SMC1B: variants seen among roughly 807,000 people sequenced by gnomAD.
SMC1B encodes the protein structural maintenance of chromosomes 1B, also known as structural maintenance of chromosomes protein 1B.
SMC1B carries 60 observed loss-of-function variants against 157.9 expected under a neutral mutation model. The ratio of observed to expected loss-of-function variants is 0.38; its 90% CI spans 0.31 to 0.47. The LOEUF (loss-of-function observed/expected upper bound fraction) is 0.47. Among genes scored for constraint, SMC1B ranks in the 20% least tolerant of loss-of-function variants. SMC1B has a pLI of 0.99. For missense variants in SMC1B, 1,165 were observed against 1,426.2 expected (o/e 0.82, Z 2.95); for synonymous variants, 445 against 483.0 (o/e 0.92, Z 1.03).
At chr22:45,410,378 T>G (rs1176655095) in intron 1 of SMC1B, among the ~76,000 whole-genome samples, 2 of 152,118 alleles carry the variant, frequency 1.3e-5, no homozygotes, top group Non-Finnish European at 2.9e-5. Flanking sequence ...TTTCTCCTTT[T>G]CACATCCCTT....
chr22:45,402,751 A>G (rs1264576126), intron 4 of SMC1B, among the ~76,000 whole-genome samples, 180 bp from the exon 5 acceptor site: 1 of 152,238 alleles, frequency 6.6e-6, no homozygotes, highest in African/African-American at 2.4e-5. Flanking sequence ...AAATAACCCA[A>G]TACACCAGCA....
At chr22:45,344,932 T>C (rs2086535567) in intron 24 of SMC1B, among the ~76,000 whole-genome samples, 1 of 152,128 alleles carries the variant, frequency 6.6e-6, no homozygotes, top group Non-Finnish European at 1.5e-5. Context: ...AGGAAGTAAA[T>C]CCTAACTGTC....
rs2086912356 is a variant in SMC1B at position 45,379,280 on chromosome 22, A to G, written c.2058+4187T>C. ...GTTGGGATTACAGGCGTGGGCCACCATGCCCAGCCTCAACATTCAGTTTTA... is the reference window on the plus strand; with the variant it reads ...GTTGGGATTACAGGCGTGGGCCACCGTGCCCAGCCTCAACATTCAGTTTTA... On this transcript the variant is annotated intron_variant, in intron 12 of 24. Transcript: ENST00000357450. Among the ~76,000 whole-genome samples the G allele has an allele frequency of 2.0e-5, 3 of 152,252 alleles. 1 individual carries two copies. In the South Asian group the frequency reaches 6.2e-4, roughly 31 times the overall value.
chr22:45,364,923 C>T (rs925799014), intron 15 of SMC1B, among the ~76,000 whole-genome samples: 5 of 150,610 alleles, frequency 3.3e-5, no homozygotes, highest in Admixed American at 6.6e-5. Context: ...CTGCAAGCTC[C>T]GCTTCCCGGG....
rs751980527 is a variant in SMC1B, at chr22:45,393,861, T to G, written c.1338-20A>C. ...CAATCCCTACAAAATAACAACAAAT[T>G]ATACAGCAAAATGATAAACCAAAAT... On this transcript the variant is annotated intron_variant, in intron 8 of 24. Transcript: ENST00000357450. The G allele has an allele frequency of 8.9e-6, 14 of 1,574,802 alleles. No homozygotes were observed. The highest frequency in any genetic ancestry group is 1.1e-5 in the Non-Finnish European group (13 of 1,155,770).
chr22:45,387,545 AT>A (rs1468709952), intron 10 of SMC1B, among the ~76,000 whole-genome samples: 3 of 152,204 alleles, frequency 2.0e-5, no homozygotes, highest in African/African-American at 7.2e-5. Context: ...TTTGGGTAAT[AT>A]TTTTTAAAAA....
At chr22:45,346,514 G>A (rs2086553641) in intron 23 of SMC1B, among the ~76,000 whole-genome samples, 1 of 152,210 alleles carries the variant, frequency 6.6e-6, no homozygotes, top group Admixed American at 6.5e-5. Context: ...TGAGGGCCTA[G>A]AATGGGTCTT....
chr22:45,353,962 G>A lies in SMC1B; in HGVS notation c.3273+16C>T. The A allele has an allele frequency of 7.0e-7, 1 of 1,427,618 alleles. No individual in the cohort carries two copies. Among genetic ancestry groups the A allele is most frequent in the East Asian group, 2.9e-5 (1 of 34,804 alleles). 88.4% of individuals were successfully genotyped at this position (1,427,618 alleles called of 1,614,324 possible). On this transcript the variant is annotated intron_variant, in intron 21 of 24. Transcript: ENST00000357450. The stretch of plus-strand genomic sequence containing the variant: ...CACAGAATTCTCACTAGTATTTGAG[G>A]ATGAAAGATACATACTTGGGCGCTG...
Position 45,353,962 on chromosome 22 carries a change from G to GATGAAAGA in SMC1B, c.3273+8_3273+15dup, listed in dbSNP as rs1412521345. ...CACAGAATTCTCACTAGTATTTGAG[G>GATGAAAGA]ATGAAAGATACATACTTGGGCGCTG... On this transcript the variant is annotated intron_variant, in intron 21 of 24. Coordinates refer to ENST00000357450, the MANE Select transcript of SMC1B (RefSeq NM_148674.5). 7.0e-7 allele frequency: 1 copy of GATGAAAGA among 1,427,618 alleles called. No homozygotes were observed. Among genetic ancestry groups the GATGAAAGA allele is most frequent in the Admixed American group, 2.4e-5 (1 of 41,554 alleles). 88.4% of individuals were successfully genotyped at this position (1,427,618 alleles called of 1,614,324 possible). A position where few individuals can be genotyped will look rare whatever the true frequency, so the allele number is the denominator to read the frequency against.
chr22:45,372,517 G>T (rs533409768), intron 12 of SMC1B, among the ~76,000 whole-genome samples: 23 of 152,096 alleles, frequency 1.5e-4, no homozygotes, highest in Non-Finnish European at 2.6e-4. Flanking sequence ...TAATAGGAAA[G>T]AATTGGGAAT....
At chr22:45,403,218 C>A (rs958638828) in intron 4 of SMC1B, among the ~76,000 whole-genome samples, 1 of 152,144 alleles carries the variant, frequency 6.6e-6, no homozygotes, top group Non-Finnish European at 1.5e-5. Context: ...TTTTGCAGTT[C>A]AGTATATTGT....
Position 45,402,414 on chromosome 22 carries a change from T to A in SMC1B, c.773A>T (p.His258Leu). ...DLSVKRESLS[H>L]HENIVKARKK... The stretch of plus-strand genomic sequence containing the variant: ...CCTGGCTTTAACTATGTTTTCATGA[T>A]GAGACAAAGACTCTCTTTTGACACT... Residue 258 changes from histidine to leucine, a missense_variant, in exon 5 of 25, where the codon CAT (histidine) becomes CTT (leucine). By Grantham distance (99) the His-to-Leu change is moderately conservative (BLOSUM62 -3). Coordinates refer to ENST00000357450, the MANE Select transcript of SMC1B (RefSeq NM_148674.5). 2 of 1,614,020 alleles carry A rather than the reference T, an allele frequency of 1.2e-6. No individual in the cohort carries two copies. Among genetic ancestry groups the A allele is most frequent in the East Asian group, 4.5e-5 (2 of 44,810 alleles).
intron 20 of SMC1B, among the ~76,000 whole-genome samples, chr22:45,354,361 G>GGTATGTAT (rs376322847): frequency 0.37 from 55,780 of 150,986 alleles, 12,641 homozygotes; most frequent in Non-Finnish European, 0.51. Flanking sequence ...GTTCTGATAG[G>GGTATGTAT]GTATGTATGT....
chr22:45,386,812 C>T, intron 11 of SMC1B, 55 bp downstream of exon 11: 1 of 1,497,242 alleles, frequency 6.7e-7, no homozygotes, highest in Non-Finnish European at 9.2e-7. Context: ...GTATGCTAGT[C>T]TTATAAATAC....
At position 45,352,610 on chromosome 22, in the gene SMC1B, G is replaced by A. The variant is rs771446344; in HGVS notation, c.3274-8C>T. 3.0e-5 allele frequency: 48 copies of A among 1,585,962 alleles called. No homozygotes were observed. Among genetic ancestry groups the A allele is most frequent in the South Asian group, 1.0e-4 (9 of 87,446 alleles). ...CTCTGGGCTAAGAAATGCCTGAAACGCATGTTATTTATTTAGCAATATCAG... is the reference window on the plus strand; with the variant it reads ...CTCTGGGCTAAGAAATGCCTGAAACACATGTTATTTATTTAGCAATATCAG... On this transcript the variant is annotated splice_polypyrimidine_tract_variant and splice_region_variant and intron_variant, in intron 21 of 24. Transcript: ENST00000357450.
chr22:45,368,269 G>T, intron 15 of SMC1B, among the ~76,000 whole-genome samples: 1 of 151,662 alleles, frequency 6.6e-6, no homozygotes, highest in Non-Finnish European at 1.5e-5. Context: ...TTCTTAATAT[G>T]GTGAATTAAA....
At chr22:45,362,804 C>A in intron 16 of SMC1B, 81 bp downstream of exon 16, 1 of 1,187,052 alleles carries the variant, frequency 8.4e-7, no homozygotes, top group Non-Finnish European at 1.2e-6. Flanking sequence ...CAGGACCCTT[C>A]AGGAGCGCAC....
rs772876307 is a variant in SMC1B, at chr22:45,372,262, C to T, written c.2089G>A (p.Asp697Asn). The change falls in exon 13 of 25, where the codon GAT becomes AAT. Residue 697 changes from aspartate (D) to asparagine (N), a missense_variant. Asp to Asn is a conservative substitution (Grantham distance 23). Coordinates refer to ENST00000357450, the MANE Select transcript of SMC1B (RefSeq NM_148674.5). ...GLMKTLRKET[D>N]LKQIQTLIQG... Reference sequence around the variant, plus strand: ...ATCAGGGTCTGTATTTGTTTCAAATCTGTTTCTTTGCGGAGTGTCTTCATT... The same window carrying T: ...ATCAGGGTCTGTATTTGTTTCAAATTTGTTTCTTTGCGGAGTGTCTTCATT... 1 of 1,606,862 alleles carries T rather than the reference C, an allele frequency of 6.2e-7. No homozygotes were observed. Among genetic ancestry groups the T allele is most frequent in the East Asian group, 2.2e-5 (1 of 44,612 alleles).
chr22:45,413,024 C>T (rs1034387050), intron 1 of SMC1B, among the ~76,000 whole-genome samples: 2 of 150,956 alleles, frequency 1.3e-5, no homozygotes, highest in African/African-American at 4.9e-5. Flanking sequence ...AGGGCGGGAC[C>T]GGGGCGGAGA....
Sources: allele counts gnomAD v4.1 joint callset (sites outside exome capture counted in the v4.1 genomes callset), GRCh38; gene constraint gnomAD v4.1.1; transcripts MANE v1.5; gene names NCBI Gene and HGNC (gene_info 2026-07-23, HGNC 2026-07-21).